Variants in PDGFRB observed in about 807,000 individuals in gnomAD.
PDGFRB encodes the protein platelet derived growth factor receptor beta.
A neutral mutation model predicts 120.2 loss-of-function variants in PDGFRB; 42 were observed. The ratio of observed to expected loss-of-function variants is 0.35; its 90% CI spans 0.27 to 0.45. PDGFRB has a LOEUF of 0.45. PDGFRB is among the 20% of genes least tolerant of loss of function. The pLI, the probability that PDGFRB is intolerant of heterozygous loss-of-function variation, is 1.00. For missense variants in PDGFRB, 1,149 were observed against 1,476.3 expected (o/e 0.78, Z 3.63); for synonymous variants, 586 against 606.8 (o/e 0.97, Z 0.50).
chr5:150,144,252 T>C lies in PDGFRB; in HGVS notation c.-6-7199A>G, dbSNP rs542481800. ...CAGAGGGACCTTTCTGAAATACCTA[T>C]GTGACCTCTCCGGCCCTCCTCTGCT... is the stretch of plus-strand genomic sequence containing the variant. On this transcript the variant is annotated intron_variant, in intron 1 of 22. Coordinates refer to ENST00000261799, the MANE Select transcript of PDGFRB (RefSeq NM_002609.4). Among the ~76,000 whole-genome samples the C allele has an allele frequency of 1.1e-3, 164 of 152,272 alleles. 1 individual carries two copies. The highest frequency in any genetic ancestry group is 1.7e-3 in the Non-Finnish European group (115 of 68,018).
At chr5:150,124,908 C>T (rs1467905595) in intron 12 of PDGFRB, 77 bp from the exon 13 acceptor site, 3 of 661,560 alleles carry the variant, frequency 4.5e-6, no homozygotes, top group African/African-American at 3.7e-5. Context: ...CCTCCCCCCA[C>T]TCCCCTACCC....
chr5:150,124,867 C>G, intron 12 of PDGFRB, 36 bp from the exon 13 acceptor site: 1 of 1,096,248 alleles, frequency 9.1e-7, no homozygotes, highest in Non-Finnish European at 1.3e-6. Context: ...CCTGGCCTAC[C>G]AGGAAGCTGC....
Position 150,134,977 on chromosome 5 carries a change from A to C in PDGFRB, c.404T>G (p.Leu135Arg), listed in dbSNP as rs1361500940. The C allele has an allele frequency of 6.2e-7, 1 of 1,612,290 alleles. No individual in the cohort carries two copies. The highest frequency in any genetic ancestry group is 1.1e-5 in the South Asian group (1 of 90,942). The change falls in exon 4 of 23, where the codon CTA (leucine) becomes CGA (arginine). Residue 135 changes from leucine (L) to arginine (R), a missense_variant. Physicochemically the swap from Leu to Arg is moderately radical, Grantham distance 102. Around this residue, in one of 3 missense-constraint regions of PDGFRB, gnomAD observed 879 missense variants for 1,108.6 expected, o/e 0.79. Transcript: ENST00000261799. ...AGTTATTTCCGTGAGAAAGATGAATAGTTCCTCGGCATCATTAGGGAGGAA... is the reference window on the plus strand; with the variant it reads ...AGTTATTTCCGTGAGAAAGATGAATCGTTCCTCGGCATCATTAGGGAGGAA... ...VGFLPNDAEE[L>R]FIFLTEITEI... is the part of the protein sequence containing the mutation.
intron 15 of PDGFRB, 88 bp from the exon 16 acceptor site, chr5:150,122,128 C>T: frequency 2.6e-6 from 2 of 768,316 alleles, no homozygotes; most frequent in Non-Finnish European, 4.1e-6. Flanking sequence ...TTTCTTCTCT[C>T]ACTCACACAC....
chr5:150,120,493 G>A lies in PDGFRB; in HGVS notation c.2587-370C>T, dbSNP rs537527277. On this transcript the variant is annotated intron_variant, in intron 18 of 22. Transcript: ENST00000261799. This position sits in a 1 kb window ranked among gnomAD's most constrained non-coding sequence, Gnocchi z 4.3. ...CATCTGGGGTTTGCGGAAAAGTGGG[G>A]AGATGAGAGACAGGCAGGATGATCA... Among the ~76,000 whole-genome samples the A allele has an allele frequency of 2.0e-5, 3 of 152,282 alleles. No homozygotes were observed. In the South Asian group the frequency reaches 6.2e-4, roughly 32 times the overall value.
Position 150,155,609 on chromosome 5 carries a change from G to C in PDGFRB, c.-219C>G, listed in dbSNP as rs1761209087. 2.5e-6 allele frequency: 1 copy of C among 398,804 alleles called. No homozygotes were observed. The highest frequency in any genetic ancestry group is 1.3e-4 in the South Asian group (1 of 7,868). 24.7% of individuals were successfully genotyped at this position (398,804 alleles called of 1,614,324 possible). ...GGAGGAAGGGGGCTGCTGTAGGGGA[G>C]AGGAGCGGCCCAGCTTCGCCTCACT... On this transcript the variant is annotated 5_prime_UTR_variant, in exon 1 of 23. Transcript: ENST00000261799.
At position 150,135,861 on chromosome 5, in the gene PDGFRB, A is replaced by G. The variant is rs758433037; in HGVS notation, c.58T>C (p.Ser20Pro). The G allele has an allele frequency of 1.3e-6, 2 of 1,526,308 alleles. No individual in the cohort carries two copies. The highest frequency in any genetic ancestry group is 1.8e-6 in the Non-Finnish European group (2 of 1,138,176). 94.5% of individuals were successfully genotyped at this position (1,526,308 alleles called of 1,614,324 possible). ...LALKGELLLL[S>P]LLLLLEPQIS... ...TGTGGTTCCAGAAGTAACAGGAGAGACAGCAACAGCAGCTCGCCTTTGGGA... is the reference window on the plus strand; with the variant it reads ...TGTGGTTCCAGAAGTAACAGGAGAGGCAGCAACAGCAGCTCGCCTTTGGGA... Residue 20 changes from serine to proline, a missense_variant, in exon 3 of 23, where the codon TCT becomes CCT. Physicochemically the swap from Ser to Pro is moderately conservative, Grantham distance 74. Transcript: ENST00000261799.
chr5:150,149,178 G>T (rs887694218), intron 1 of PDGFRB, among the ~76,000 whole-genome samples: 1 of 152,218 alleles, frequency 6.6e-6, no homozygotes, highest in South Asian at 2.1e-4. Flanking sequence ...GCAGGAGGAT[G>T]ACACCAGCAG....
Position 150,114,985 on chromosome 5 carries a change from G to GT in PDGFRB, c.*777dup. On this transcript the variant is annotated 3_prime_UTR_variant, in exon 23 of 23. Coordinates refer to ENST00000261799, the MANE Select transcript of PDGFRB (RefSeq NM_002609.4). ...GGCCCGTCTGGCCTTCTAGACTCTGGTGGATGGATTAAGACTGAGGGTGAT... is the reference window on the plus strand; with the variant it reads ...GGCCCGTCTGGCCTTCTAGACTCTGGTTGGATGGATTAAGACTGAGGGTGAT... 4.3e-6 allele frequency: 1 copy of GT among 233,148 alleles called. No homozygotes were observed. Among genetic ancestry groups the GT allele is most frequent in the Non-Finnish European group, 8.5e-6 (1 of 118,006 alleles). The allele number at this position is 233,148 out of a possible 1,614,324, so 14.4% of individuals were successfully genotyped here.
Position 150,115,866 on chromosome 5 carries a change from T to C in PDGFRB, c.3218A>G (p.Glu1073Gly), listed in dbSNP as rs781302526. The C allele has an allele frequency of 3.1e-6, 5 of 1,611,938 alleles. No individual in the cohort carries two copies. The highest frequency in any genetic ancestry group is 4.2e-6 in the Non-Finnish European group (5 of 1,178,888). ...PLEPQDEPEP[E>G]PQLELQVEPE... Reference sequence around the variant, plus strand: ...CTCCACCTGGAGCTCAAGCTGGGGCTCTGGCTCTGGTTCGTCCTGGGGCTC... The same window carrying C: ...CTCCACCTGGAGCTCAAGCTGGGGCCCTGGCTCTGGTTCGTCCTGGGGCTC... The change falls in exon 23 of 23, where the codon GAG (glutamate) becomes GGG (glycine). Residue 1073 changes from glutamate (E) to glycine (G), a missense_variant. Transcript: ENST00000261799.
At chr5:150,148,932 A>G (rs1006306919) in intron 1 of PDGFRB, among the ~76,000 whole-genome samples, 1 of 152,062 alleles carries the variant, frequency 6.6e-6, no homozygotes, top group African/African-American at 2.4e-5. Flanking sequence ...GCAGGGAGAG[A>G]TCTGTTGGGC....
intron 1 of PDGFRB, among the ~76,000 whole-genome samples, chr5:150,138,783 G>A (rs1229069392): frequency 2.6e-5 from 4 of 152,190 alleles, no homozygotes; most frequent in African/African-American, 7.2e-5. Flanking sequence ...CTGCCCCTCC[G>A]TCGGTGCCCC....
intron 1 of PDGFRB, among the ~76,000 whole-genome samples, chr5:150,150,719 CA>C (rs1317552736): frequency 6.6e-6 from 1 of 152,068 alleles, no homozygotes; most frequent in Admixed American, 6.5e-5. Flanking sequence ...AGTGGGCTTC[CA>C]CACTGGAAGC....
chr5:150,136,616 A>G (rs1760640182), intron 2 of PDGFRB, among the ~76,000 whole-genome samples: 1 of 152,058 alleles, frequency 6.6e-6, no homozygotes, highest in Non-Finnish European at 1.5e-5. Context: ...GTTAACGGGC[A>G]GGAGTGAGGG....
At chr5:150,130,002 C>A in intron 9 of PDGFRB, 34 bp from the exon 10 acceptor site, 1 of 1,536,108 alleles carries the variant, frequency 6.5e-7, no homozygotes, top group Non-Finnish European at 9.0e-7. Flanking sequence ...GGCTGCCAGC[C>A]CCTTCCCCTT....
In PDGFRB at chr5:150,132,145, TC is replaced by T. The variant is rs776616464; in HGVS notation, c.1128-52del. On this transcript the variant is annotated intron_variant, in intron 7 of 22. Transcript: ENST00000261799. This position sits in a 1 kb window ranked among gnomAD's most constrained non-coding sequence, Gnocchi z 5.0. ...AGAGTCGGAAGGACTCTTACAGTTC[TC>T]CCCACCCTCCTGGTATAAAGAGGAA... The T allele has an allele frequency of 1.1e-6, 1 of 945,398 alleles. No individual in the cohort carries two copies. The highest frequency in any genetic ancestry group is 1.7e-6 in the Non-Finnish European group (1 of 579,696). 58.6% of individuals were successfully genotyped at this position (945,398 alleles called of 1,614,324 possible).
rs1329496907 is a variant in PDGFRB at position 150,120,229 on chromosome 5, C to A, written c.2587-106G>T. 5.8e-6 allele frequency: 4 copies of A among 686,220 alleles called. No individual in the cohort carries two copies. The highest frequency in any genetic ancestry group is 1.1e-5 in the Non-Finnish European group (4 of 370,602). 42.5% of individuals were successfully genotyped at this position (686,220 alleles called of 1,614,324 possible). A position where few individuals can be genotyped will look rare whatever the true frequency, so the allele number is the denominator to read the frequency against. On this transcript the variant is annotated intron_variant, in intron 18 of 22. Transcript: ENST00000261799. This position sits in a 1 kb window ranked among gnomAD's most constrained non-coding sequence, Gnocchi z 4.3. ...TGGCAGCTCCCACCCACAACCACTT[C>A]TCCGTCCCATTCCCTGTGAGGGCCC...
At chr5:150,126,021 C>T (rs560026027) in intron 11 of PDGFRB, among the ~76,000 whole-genome samples, 53 of 152,326 alleles carry the variant, frequency 3.5e-4, no homozygotes, top group African/African-American at 1.0e-3. Context: ...GTTGGAACCA[C>T]AGGACTGGAA....
chr5:150,155,091 C>G (rs1311491261), intron 1 of PDGFRB, among the ~76,000 whole-genome samples: 1 of 152,056 alleles, frequency 6.6e-6, no homozygotes, highest in African/African-American at 2.4e-5. Flanking sequence ...TCCCCACTCC[C>G]CATTGACTGT....
Sources: gnomAD v4.1 joint callset for allele counts (sites outside exome capture counted in the v4.1 genomes callset) on GRCh38, gnomAD v4.1.1 for gene constraint, gnomAD v4.1.1 regional missense constraint, Gnocchi (gnomAD v3.1) non-coding constraint, MANE v1.5 for transcripts, NCBI Gene and HGNC (gene_info 2026-07-23, HGNC 2026-07-21) for gene names.